DZIP3: variants seen among roughly 807,000 people sequenced by gnomAD.
The protein encoded by DZIP3 is E3 ubiquitin-protein ligase DZIP3.
A neutral mutation model predicts 162.0 loss-of-function variants in DZIP3; 118 were observed. The observed-to-expected ratio is 0.73, with a 90% CI of 0.63 to 0.85. The LOEUF is 0.85. Ranked by LOEUF, DZIP3 falls within the 40% of genes least tolerant of loss-of-function variation. DZIP3 has a pLI of 0.00. For missense variants in DZIP3, 1,331 were observed against 1,407.0 expected (o/e 0.95, Z 0.86); for synonymous variants, 438 against 458.6 (o/e 0.96, Z 0.57).
chr3:108,686,526 A>G lies in DZIP3; in HGVS notation c.3091A>G (p.Ile1031Val), dbSNP rs752627681. The change falls in exon 28 of 33, where the codon ATC becomes GTC. Residue 1031 changes from isoleucine to valine, a missense_variant. By Grantham distance (29) the Ile-to-Val change is conservative (BLOSUM62 3). This residue lies in a region of DZIP3 where 1,278 missense variants were observed against 1,317.1 expected (regional missense o/e 0.97). Transcript: ENST00000361582. ...TGCAGGTCTGCGGAGTGATCCCTCCATCATGAATTGGGAGAGAATTACAGA... is the reference window on the plus strand; with the variant it reads ...TGCAGGTCTGCGGAGTGATCCCTCCGTCATGAATTGGGAGAGAATTACAGA... ...PSAGLRSDPS[I>V]MNWERITDRL... 1.2e-6 allele frequency: 2 copies of G among 1,612,178 alleles called. No individual in the cohort carries two copies. The highest frequency in any genetic ancestry group is 1.3e-5 in the African/African-American group (1 of 74,814).
At chr3:108,626,830 A>G (rs989477076) in intron 7 of DZIP3, among the ~76,000 whole-genome samples, 2 of 152,222 alleles carry the variant, frequency 1.3e-5, no homozygotes, top group Non-Finnish European at 2.9e-5. Context: ...TGGTTCTGGG[A>G]ATCAGAAGTC....
At chr3:108,630,244 T>A (rs1941770344) in intron 8 of DZIP3, among the ~76,000 whole-genome samples, 1 of 152,114 alleles carries the variant, frequency 6.6e-6, no homozygotes, top group East Asian at 1.9e-4. Context: ...ACCAGGTTTC[T>A]CTTGGTTAAT....
Position 108,654,145 on chromosome 3 carries a change from C to T in DZIP3, c.2034C>T (p.Val678=). 1 of 1,612,712 alleles carries T rather than the reference C, an allele frequency of 6.2e-7. No homozygotes were observed. The highest frequency in any genetic ancestry group is 8.5e-7 in the Non-Finnish European group (1 of 1,179,300). Residue 678 remains valine (V), a splice_region_variant and synonymous_variant, in exon 19 of 33, where the codon GTC becomes GTT. Transcript: ENST00000361582. The part of the protein sequence containing the change: ...KKNKDSKEDQ[V]PYVVEKEEQL... The stretch of plus-strand genomic sequence containing the variant: ...CACATTGATTATGTCACGACTACAG[C>T]CCATATGTGGTAGAAAAGGAAGAGC...
intron 10 of DZIP3, among the ~76,000 whole-genome samples, chr3:108,635,560 TA>T (rs1214221597): frequency 2.0e-5 from 3 of 147,618 alleles, no homozygotes; most frequent in African/African-American, 7.4e-5. Context: ...TAATTATATA[TA>T]ACTGTATAAC....
intron 6 of DZIP3, among the ~76,000 whole-genome samples, chr3:108,625,534 A>G (rs1021063416): frequency 1.3e-5 from 2 of 152,190 alleles, no homozygotes; most frequent in African/African-American, 2.4e-5. Flanking sequence ...AGCTGACACT[A>G]TCAGTGTGCA....
chr3:108,685,422 G>A (rs1944463850), intron 27 of DZIP3, among the ~76,000 whole-genome samples: 1 of 152,118 alleles, frequency 6.6e-6, no homozygotes, highest in Non-Finnish European at 1.5e-5. Flanking sequence ...ACTGTTAGTA[G>A]TTGCTAGTTT....
intron 12 of DZIP3, among the ~76,000 whole-genome samples, chr3:108,639,494 C>G (rs2107627059): frequency 6.6e-6 from 1 of 152,300 alleles, no homozygotes; most frequent in Middle Eastern, 3.4e-3. Context: ...GTTCAGTGTT[C>G]AGTCAGAGAC....
intron 1 of DZIP3, among the ~76,000 whole-genome samples, chr3:108,604,385 C>T (rs754888733): frequency 1.3e-5 from 2 of 152,104 alleles, no homozygotes; most frequent in Admixed American, 1.3e-4. Flanking sequence ...TAACACTTTC[C>T]GGGCTTAGGG....
At chr3:108,691,737 T>G (rs150120499) in intron 32 of DZIP3, among the ~76,000 whole-genome samples, 1 of 152,238 alleles carries the variant, frequency 6.6e-6, no homozygotes, top group Admixed American at 6.5e-5. Context: ...TATTTTGGAG[T>G]AGCATGTCTT....
chr3:108,644,466 G>T lies in DZIP3; in HGVS notation c.1444G>T (p.Ala482Ser). 6.2e-7 allele frequency: 1 copy of T among 1,613,912 alleles called. No homozygotes were observed. Among genetic ancestry groups the T allele is most frequent in the Non-Finnish European group, 8.5e-7 (1 of 1,179,940 alleles). ...TATAAAACATTTAAATGTGTTCCCT[G>T]CACCCAAAAAAGGATGGAATATGGA... ...ALIKHLNVFP[A>S]PKKGWNMEPP... The change falls in exon 14 of 33, where the codon GCA becomes TCA. Residue 482 changes from alanine (A) to serine (S), a missense_variant. This residue lies in a region of DZIP3 where 1,278 missense variants were observed against 1,317.1 expected (regional missense o/e 0.97). Coordinates refer to ENST00000361582, the MANE Select transcript of DZIP3 (RefSeq NM_014648.4).
rs1266983767 is a variant in DZIP3 at position 108,639,761 on chromosome 3, A to G, written c.1064+2213A>G. On this transcript the variant is annotated intron_variant, in intron 12 of 32. Coordinates refer to ENST00000361582, the MANE Select transcript of DZIP3 (RefSeq NM_014648.4). ...AGCTTTTAATTTTATTGATTTTTCT[A>G]TAATATTTTTGTTTTAAATTTCATT... 2.0e-5 allele frequency among the ~76,000 whole-genome samples: 3 copies of G among 150,542 alleles called. No individual in the cohort carries two copies. In the East Asian group the frequency reaches 5.9e-4, roughly 29 times the overall value.
At chr3:108,671,910 G>A (rs9871832) in intron 22 of DZIP3, among the ~76,000 whole-genome samples, 2,892 of 151,958 alleles carry the variant, frequency 0.019, 99 homozygotes, top group African/African-American at 0.067. Flanking sequence ...TGCTGTCTTA[G>A]GTTGAACTGC....
chr3:108,648,946 A>C lies in DZIP3; in HGVS notation c.1991A>C (p.Lys664Thr), dbSNP rs749462079. The C allele has an allele frequency of 5.1e-6, 6 of 1,166,114 alleles. No homozygotes were observed. Among genetic ancestry groups the C allele is most frequent in the Non-Finnish European group, 6.8e-6 (6 of 878,162 alleles). 72.2% of individuals were successfully genotyped at this position (1,166,114 alleles called of 1,614,324 possible). A position where few individuals can be genotyped will look rare whatever the true frequency, so the allele number is the denominator to read the frequency against. Residue 664 changes from lysine (K) to threonine (T), a missense_variant, in exon 17 of 33, where the codon AAG becomes ACG. Physicochemically the swap from Lys to Thr is moderately conservative, Grantham distance 78 (BLOSUM62 -1). Transcript: ENST00000361582. ...AAGAGTAAACAAAGGAAAAAGAAGA[A>C]GACTAAGAATAAAAAGGTAAGAGAC... ...EVKSKQRKKKKTKNKKNKDSK... is the reference protein window; with the variant it reads ...EVKSKQRKKKTTKNKKNKDSK...
intron 5 of DZIP3, among the ~76,000 whole-genome samples, chr3:108,622,990 A>G (rs1043074358): frequency 2.0e-5 from 3 of 151,144 alleles, no homozygotes; most frequent in African/African-American, 7.3e-5. Context: ...AAGCCAGCCC[A>G]GTACTGGTTC....
At chr3:108,670,232 C>T (rs1296544072) in intron 22 of DZIP3, among the ~76,000 whole-genome samples, 2 of 151,890 alleles carry the variant, frequency 1.3e-5, no homozygotes, top group African/African-American at 2.4e-5. Context: ...ACAGTCATCA[C>T]CACTATCTAT....
intron 21 of DZIP3, among the ~76,000 whole-genome samples, chr3:108,662,927 A>G (rs1034056796): frequency 6.6e-6 from 1 of 152,224 alleles, no homozygotes; most frequent in African/African-American, 2.4e-5. Context: ...CAGCCATCCA[A>G]GAAGTCTAGT....
intron 7 of DZIP3, among the ~76,000 whole-genome samples, chr3:108,626,505 T>C (rs1242415513): frequency 1.3e-5 from 2 of 152,238 alleles, no homozygotes; most frequent in African/African-American, 4.8e-5. Context: ...TTTTGGAGTA[T>C]TGGCTACTAC....
At chr3:108,658,226 C>T (rs1292971199) in intron 19 of DZIP3, among the ~76,000 whole-genome samples, 1 of 152,156 alleles carries the variant, frequency 6.6e-6, no homozygotes, top group African/African-American at 2.4e-5. Flanking sequence ...CCAAAATTGA[C>T]CACATAGTTA....
chr3:108,692,173 A>T (rs1466120714), intron 32 of DZIP3, among the ~76,000 whole-genome samples: 2 of 152,084 alleles, frequency 1.3e-5, no homozygotes, highest in South Asian at 4.1e-4. Flanking sequence ...TTATATTATA[A>T]TGTGAATTGA....
Sources: allele counts gnomAD v4.1 joint callset (sites outside exome capture counted in the v4.1 genomes callset), GRCh38; gene constraint gnomAD v4.1.1; regional missense constraint gnomAD v4.1.1; transcripts MANE v1.5; gene names NCBI Gene and HGNC (gene_info 2026-07-23, HGNC 2026-07-21).